CHCHD4: variants seen among roughly 807,000 people sequenced by gnomAD.
CHCHD4 encodes coiled-coil-helix-coiled-coil-helix domain containing 4.
CHCHD4 carries 7 observed loss-of-function variants against 12.4 expected under a neutral mutation model. The ratio of observed to expected loss-of-function variants is 0.57; its 90% CI spans 0.32 to 1.06. The LOEUF (loss-of-function observed/expected upper bound fraction) is 1.06, where lower values mean the gene tolerates loss of function less well. CHCHD4 is among the 50% of genes least tolerant of loss of function. The pLI is 0.04. For synonymous variants in CHCHD4, 56 were observed against 58.0 expected, an observed-to-expected ratio of 0.97 and a Z score of 0.16; for missense variants, 143 against 175.1, an observed-to-expected ratio of 0.82 and a Z score of 1.03.
At chr3:14,119,305 C>G (rs1694908645) in intron 1 of CHCHD4, 1 of 152,218 alleles carries the variant, frequency 6.6e-6, no homozygotes, top group Admixed American at 6.5e-5. Context: ...TTTACAGAGA[C>G]CACAGGATCT....
chr3:14,123,698 G>A (rs1268974425), intron 1 of CHCHD4, among the ~76,000 whole-genome samples: 1 of 152,168 alleles, frequency 6.6e-6, no homozygotes, highest in African/African-American at 2.4e-5. Context: ...CAGAGAAGGT[G>A]CTTCATGAGT....
At chr3:14,118,216 CA>C (rs1427661981) in intron 1 of CHCHD4, among the ~76,000 whole-genome samples, 1 of 152,202 alleles carries the variant, frequency 6.6e-6, no homozygotes, top group East Asian at 1.9e-4. Flanking sequence ...AAGTGCCTGG[CA>C]GAGAGCCACA....
chr3:14,124,545 T>C (rs990079506), intron 1 of CHCHD4, 110 bp downstream of exon 1: 2 of 1,009,654 alleles, frequency 2.0e-6, no homozygotes, highest in South Asian at 2.0e-5. Context: ...GGTGGGCACC[T>C]GGGCCGCGCC....
At chr3:14,124,567 G>T in intron 1 of CHCHD4, 88 bp downstream of exon 1, 1 of 1,299,730 alleles carries the variant, frequency 7.7e-7, no homozygotes. Context: ...CAGGTGGCCC[G>T]CGCCCGGCGT....
intron 1 of CHCHD4, among the ~76,000 whole-genome samples, chr3:14,120,317 T>C (rs1694919759): frequency 6.6e-6 from 1 of 152,086 alleles, no homozygotes; most frequent in Admixed American, 6.5e-5. Context: ...GATCTTCAAA[T>C]ACATCCAGAA....
At chr3:14,123,250 C>T (rs749151678) in intron 1 of CHCHD4, among the ~76,000 whole-genome samples, 1 of 152,124 alleles carries the variant, frequency 6.6e-6, no homozygotes, top group Non-Finnish European at 1.5e-5. Flanking sequence ...CCTGTAAATC[C>T]TCAAAGAGGA....
chr3:14,123,262 G>A (rs933349575), intron 1 of CHCHD4, among the ~76,000 whole-genome samples: 4 of 152,046 alleles, frequency 2.6e-5, no homozygotes, highest in Non-Finnish European at 1.5e-5. Context: ...CAAAGAGGAG[G>A]GTCTTGTTTA....
At chr3:14,116,309 G>A in intron 2 of CHCHD4, 117 bp downstream of exon 2, 2 of 777,374 alleles carry the variant, frequency 2.6e-6, no homozygotes, top group East Asian at 2.4e-5. Flanking sequence ...GTCTATGGCT[G>A]AGAATAGATA....
Position 14,124,800 on chromosome 3 carries a change from C to G in CHCHD4, c.-124G>C. 1 of 1,158,940 alleles carries G rather than the reference C, an allele frequency of 8.6e-7. No homozygotes were observed. Among genetic ancestry groups the G allele is most frequent in the Non-Finnish European group, 1.2e-6 (1 of 844,046 alleles). The allele number at this position is 1,158,940 out of a possible 1,614,324, so 71.8% of individuals were successfully genotyped here. A position where few individuals can be genotyped will look rare whatever the true frequency, so the allele number is the denominator to read the frequency against. ...GAAGCCCGCGCGGACCCGCCCCCTC[C>G]CAGGCCTGCCCGCCGCGCGCCTGCC... On this transcript the variant is annotated 5_prime_UTR_variant, in exon 1 of 3. Transcript: ENST00000396914.
At chr3:14,114,983 G>C (rs1694861079) in intron 2 of CHCHD4, among the ~76,000 whole-genome samples, 1 of 152,102 alleles carries the variant, frequency 6.6e-6, no homozygotes, top group South Asian at 2.1e-4. Flanking sequence ...TTTGATTCTA[G>C]GAAAATTAAT....
chr3:14,123,953 A>G (rs1286015756), intron 1 of CHCHD4, among the ~76,000 whole-genome samples: 4 of 152,212 alleles, frequency 2.6e-5, no homozygotes, highest in African/African-American at 4.8e-5. Context: ...ACTGGGCACT[A>G]GATTGGATAA....
intron 1 of CHCHD4, among the ~76,000 whole-genome samples, chr3:14,120,633 C>T (rs1227467988): frequency 2.0e-5 from 3 of 152,182 alleles, no homozygotes; most frequent in African/African-American, 4.8e-5. Flanking sequence ...CCACTTGATG[C>T]CCCCACTGGA....
chr3:14,124,736 G>A lies in CHCHD4; in HGVS notation c.-60C>T. The A allele has an allele frequency of 6.7e-7, 1 of 1,498,122 alleles. No individual in the cohort carries two copies. The highest frequency in any genetic ancestry group is 8.9e-7 in the Non-Finnish European group (1 of 1,121,310). The allele number at this position is 1,498,122 out of a possible 1,614,324, so 92.8% of individuals were successfully genotyped here. On this transcript the variant is annotated 5_prime_UTR_variant, in exon 1 of 3. Transcript: ENST00000396914. ...GCGGTGGCGGCAGCTGCACCTTTAC[G>A]CCGTGACCTCCCTCTCCTCTGGCAG...
chr3:14,113,506 G>C (rs1329173143), intron 2 of CHCHD4, among the ~76,000 whole-genome samples: 2 of 152,202 alleles, frequency 1.3e-5, no homozygotes, highest in Non-Finnish European at 2.9e-5. Context: ...AGATCACTTG[G>C]ATGGTTAGTG....
At chr3:14,120,993 G>C (rs892225896) in intron 1 of CHCHD4, among the ~76,000 whole-genome samples, 5 of 152,302 alleles carry the variant, frequency 3.3e-5, no homozygotes, top group African/African-American at 1.2e-4. Flanking sequence ...TCTTTGTTGT[G>C]CTTATCTGGG....
At chr3:14,119,917 G>A (rs547047005) in intron 1 of CHCHD4, among the ~76,000 whole-genome samples, 1 of 152,308 alleles carries the variant, frequency 6.6e-6, no homozygotes, top group African/African-American at 2.4e-5. Context: ...AATCCCACTT[G>A]ACAGCAATTT....
intron 2 of CHCHD4, 31 bp from the exon 3 acceptor site, chr3:14,113,225 A>G (rs1694841093): frequency 1.9e-6 from 3 of 1,545,436 alleles, no homozygotes; most frequent in East Asian, 2.3e-5. Context: ...GATGTTCTCT[A>G]AAGTTTCAGA....
chr3:14,124,542 A>C, intron 1 of CHCHD4, 113 bp downstream of exon 1: 1 of 928,134 alleles, frequency 1.1e-6, no homozygotes, highest in Non-Finnish European at 1.5e-6. Flanking sequence ...CAGGGTGGGC[A>C]CCTGGGCCGC....
At chr3:14,116,648 T>C (rs1694879526) in intron 1 of CHCHD4, 124 bp from the exon 2 acceptor site, 1 of 736,844 alleles carries the variant, frequency 1.4e-6, no homozygotes, top group Non-Finnish European at 2.4e-6. Context: ...CTATGTGAGG[T>C]GACTATCAAA....
Sources: allele counts gnomAD v4.1 joint callset (sites outside exome capture counted in the v4.1 genomes callset), GRCh38; gene constraint gnomAD v4.1.1; transcripts MANE v1.5; gene names NCBI Gene and HGNC (gene_info 2026-07-23, HGNC 2026-07-21).